Variants in SEPTIN2 observed in about 807,000 individuals in gnomAD.
The protein encoded by SEPTIN2 is septin 2, also known as septin-2.
Under a neutral mutation model 46.5 loss-of-function variants are expected in SEPTIN2, and 34 were observed. The ratio of observed to expected loss-of-function variants is 0.73; its 90% confidence interval spans 0.56 to 0.97. The LOEUF (loss-of-function observed/expected upper bound fraction) is 0.97, where lower values mean the gene tolerates loss of function less well. SEPTIN2 is among the 50% of genes least tolerant of loss of function. SEPTIN2 has a pLI of 0.00. For synonymous variants in SEPTIN2, 175 were observed against 153.4 expected (o/e 1.14, Z -1.04); for missense variants, 347 against 448.4 (o/e 0.77, Z 2.04).
chr2:241,329,738 G>A (rs909903453), intron 3 of SEPTIN2, among the ~76,000 whole-genome samples: 4 of 152,148 alleles, frequency 2.6e-5, no homozygotes, highest in South Asian at 2.1e-4. Flanking sequence ...TGGCTGGAAC[G>A]GTACCTCACA....
At chr2:241,334,526 A>C (rs1444124052) in intron 3 of SEPTIN2, among the ~76,000 whole-genome samples, 2 of 152,190 alleles carry the variant, frequency 1.3e-5, no homozygotes, top group Non-Finnish European at 2.9e-5. Context: ...TGAGCGGGAA[A>C]GTTGCCCGAC....
chr2:241,316,825 A>G (rs900080318), intron 1 of SEPTIN2: 8 of 330,770 alleles, frequency 2.4e-5, no homozygotes, highest in African/African-American at 1.7e-4. Flanking sequence ...CCATTGCCCA[A>G]ACTCTTAAAT....
rs548086902 is a variant in SEPTIN2, at chr2:241,345,132, G to T, written c.843-1034G>T. Among the ~76,000 whole-genome samples the T allele has an allele frequency of 7.8e-4, 119 of 151,852 alleles. 1 individual carries two copies. The highest frequency in any genetic ancestry group is 2.5e-3 in the African/African-American group (104 of 41,460). On this transcript the variant is annotated intron_variant, in intron 9 of 12. Coordinates refer to ENST00000391971, the MANE Select transcript of SEPTIN2 (RefSeq NM_004404.5). ...TCATCTCAAAAAAAAAAACCAAAAA[G>T]AACAGGCTGAGAGTATTGCTTAAAC...
chr2:241,345,648 G>A (rs1409208093), intron 9 of SEPTIN2, among the ~76,000 whole-genome samples: 1 of 152,210 alleles, frequency 6.6e-6, no homozygotes, highest in Non-Finnish European at 1.5e-5. Flanking sequence ...AGGTTAAGTT[G>A]CTGACTAATA....
At chr2:241,344,026 A>T in intron 9 of SEPTIN2, 129 bp downstream of exon 9, 1 of 1,143,644 alleles carries the variant, frequency 8.7e-7, no homozygotes, top group South Asian at 1.4e-5. Flanking sequence ...TGTTTCTCAC[A>T]TCGCAGAAGT....
At chr2:241,350,226 C>G (rs1575414705) in intron 12 of SEPTIN2, 23 bp downstream of exon 12, 2 of 1,387,704 alleles carry the variant, frequency 1.4e-6, no homozygotes, top group Non-Finnish European at 1.9e-6. Context: ...GTCCCTTAGC[C>G]TGGAAGACAG....
chr2:241,344,608 A>C (rs1227969291), intron 9 of SEPTIN2, among the ~76,000 whole-genome samples: 2 of 152,214 alleles, frequency 1.3e-5, no homozygotes, highest in East Asian at 3.9e-4. Context: ...AGGCTGAGGC[A>C]GGAGAATCAC....
chr2:241,337,228 A>G, intron 5 of SEPTIN2, 154 bp from the exon 6 acceptor site: 2 of 725,488 alleles, frequency 2.8e-6, no homozygotes, highest in South Asian at 2.4e-5. Context: ...AAAAACTTCC[A>G]TTTGCCAAAT....
intron 4 of SEPTIN2, 193 bp downstream of exon 4, chr2:241,335,405 C>G: frequency 6.8e-7 from 1 of 1,465,584 alleles, no homozygotes; most frequent in Non-Finnish European, 9.4e-7. Flanking sequence ...TTCTTTGACA[C>G]GTATCCATGG....
intron 1 of SEPTIN2, chr2:241,318,181 G>A (rs1342753784): frequency 6.6e-6 from 1 of 151,880 alleles, no homozygotes; most frequent in Admixed American, 6.6e-5. Flanking sequence ...TCAAAGCAAA[G>A]TTGAAATGTC....
chr2:241,343,356 G>A (rs1201311815), intron 8 of SEPTIN2, among the ~76,000 whole-genome samples: 1 of 152,060 alleles, frequency 6.6e-6, no homozygotes, highest in Non-Finnish European at 1.5e-5. Context: ...AAAATTAGGT[G>A]GATGTGGTGG....
chr2:241,320,072 T>C (rs534207306), intron 1 of SEPTIN2: 1 of 347,148 alleles, frequency 2.9e-6, no homozygotes, highest in African/African-American at 2.1e-5. Flanking sequence ...GATTTTTGCA[T>C]TTATATTTGT....
At chr2:241,340,919 C>A (rs2081177564) in intron 7 of SEPTIN2, among the ~76,000 whole-genome samples, 1 of 152,174 alleles carries the variant, frequency 6.6e-6, no homozygotes, top group African/African-American at 2.4e-5. Flanking sequence ...TAGCTGTTAT[C>A]TGCCCTCCCC....
At chr2:241,338,901 ATTATATATAAT>A (rs1169956200) in intron 7 of SEPTIN2, among the ~76,000 whole-genome samples, 2 of 80,828 alleles carry the variant, frequency 2.5e-5, no homozygotes, top group South Asian at 2.6e-4. Flanking sequence ...TATTATATAT[ATTATATATAAT>A]ATATATAATT....
intron 1 of SEPTIN2, among the ~76,000 whole-genome samples, chr2:241,319,716 C>T (rs991971493): frequency 6.6e-6 from 1 of 152,176 alleles, no homozygotes; most frequent in Admixed American, 6.5e-5. Context: ...CTCAGTCTCC[C>T]ACTTAGCTGG....
At chr2:241,321,332 G>T (rs1022424247) in intron 1 of SEPTIN2, among the ~76,000 whole-genome samples, 1 of 151,634 alleles carries the variant, frequency 6.6e-6, no homozygotes, top group African/African-American at 2.4e-5. Context: ...GTGATTATTT[G>T]AATATACAGG....
At chr2:241,343,628 C>G in intron 8 of SEPTIN2, 124 bp from the exon 9 acceptor site, 1 of 1,043,306 alleles carries the variant, frequency 9.6e-7, no homozygotes. Flanking sequence ...TACATACCCC[C>G]AGCTTTCCAA....
intron 7 of SEPTIN2, among the ~76,000 whole-genome samples, chr2:241,341,863 CTG>C (rs1165161044): frequency 2.6e-5 from 4 of 152,352 alleles, no homozygotes; most frequent in East Asian, 1.9e-4. Context: ...CCAAACAAAA[CTG>C]TGGCCTGCCT....
chr2:241,323,537 C>T (rs1046483269), intron 1 of SEPTIN2, among the ~76,000 whole-genome samples: 2 of 152,166 alleles, frequency 1.3e-5, no homozygotes, highest in African/African-American at 4.8e-5. Flanking sequence ...GAATTACAGG[C>T]GTGAGCATCA....
Sources: allele counts gnomAD v4.1 joint callset (sites outside exome capture counted in the v4.1 genomes callset), GRCh38; gene constraint gnomAD v4.1.1; transcripts MANE v1.5; gene names NCBI Gene and HGNC (gene_info 2026-07-23, HGNC 2026-07-21).